The following IL16 variants were observed in gnomAD, a reference collection of about 807,000 sequenced individuals.
The protein encoded by IL16 is pro-interleukin-16.
IL16 carries 67 observed loss-of-function variants against 110.1 expected under a neutral mutation model. That is an observed-to-expected ratio of 0.61 (90% confidence interval 0.50 to 0.75). IL16 has a LOEUF of 0.75. IL16 is among the 30% of genes least tolerant of loss of function. IL16 has a pLI of 0.00. For missense variants in IL16, 1,545 were observed against 1,655.0 expected, an observed-to-expected ratio of 0.93 and a Z score of 1.15; for synonymous variants, 689 against 662.9, an observed-to-expected ratio of 1.04 and a Z score of -0.61.
chr15:81,313,383 A>T lies in IL16; in HGVS notation c.*4585A>T. ...GAGGTCGGTATGGAAGAATGTGACC[A>T]GGTTGGTCTTGGTGGGTTCCCTGTG... is the stretch of plus-strand genomic sequence containing the variant. On this transcript the variant is annotated 3_prime_UTR_variant, in exon 19 of 19. Transcript: ENST00000683961. 6.4e-7 allele frequency: 1 copy of T among 1,564,722 alleles called. No individual in the cohort carries two copies. The highest frequency in any genetic ancestry group is 8.7e-7 in the Non-Finnish European group (1 of 1,154,036).
chr15:81,255,434 G>A (rs1425076851), intron 2 of IL16, among the ~76,000 whole-genome samples: 1 of 152,252 alleles, frequency 6.6e-6, no homozygotes, highest in Non-Finnish European at 1.5e-5. Flanking sequence ...TCAGAGACTG[G>A]CTGCATGGCA....
chr15:81,221,375 G>C (rs1223078128), intron 1 of IL16, among the ~76,000 whole-genome samples: 1 of 152,162 alleles, frequency 6.6e-6, no homozygotes, highest in Non-Finnish European at 1.5e-5. Flanking sequence ...AGTCGTCATA[G>C]AGCCTGGGGA....
At chr15:81,279,880 CT>C in intron 8 of IL16, 106 bp downstream of exon 8, 1 of 942,152 alleles carries the variant, frequency 1.1e-6, no homozygotes, top group Non-Finnish European at 1.6e-6. Context: ...AGGATGTTGT[CT>C]TTTAGCACAT....
At chr15:81,189,666 C>T (rs1032735392) in intron 1 of IL16, among the ~76,000 whole-genome samples, 1 of 152,136 alleles carries the variant, frequency 6.6e-6, no homozygotes, top group Non-Finnish European at 1.5e-5. Context: ...CCTTGAAAAA[C>T]ATACAAGAGT....
chr15:81,204,267 A>G (rs1454659809), intron 1 of IL16, among the ~76,000 whole-genome samples: 1 of 151,802 alleles, frequency 6.6e-6, no homozygotes, highest in Non-Finnish European at 1.5e-5. Flanking sequence ...GTCATCTGCA[A>G]ACAGGGACAA....
intron 1 of IL16, among the ~76,000 whole-genome samples, chr15:81,212,670 C>G (rs1896293199): frequency 6.6e-6 from 1 of 152,070 alleles, no homozygotes; most frequent in Non-Finnish European, 1.5e-5. Flanking sequence ...TGGGGTTTCA[C>G]TATATTGGCC....
intron 7 of IL16, 105 bp from the exon 8 acceptor site, chr15:81,279,453 A>G: frequency 1.4e-6 from 1 of 718,638 alleles, no homozygotes; most frequent in East Asian, 2.7e-5. Flanking sequence ...GCACATTTAT[A>G]TTTCATACAC....
At chr15:81,237,688 T>C (rs1031907274) in intron 2 of IL16, among the ~76,000 whole-genome samples, 2 of 152,166 alleles carry the variant, frequency 1.3e-5, no homozygotes, top group Non-Finnish European at 2.9e-5. Flanking sequence ...CTTTTCTTTA[T>C]ACTTTATTAT....
At chr15:81,183,002 C>T in intron 1 of IL16, 1 of 656,396 alleles carries the variant, frequency 1.5e-6, no homozygotes, top group Non-Finnish European at 2.4e-6. Flanking sequence ...TGGTTTTGGT[C>T]CCACTGTGTA....
intron 1 of IL16, among the ~76,000 whole-genome samples, chr15:81,188,092 A>T (rs1388183797): frequency 1.3e-5 from 2 of 152,126 alleles, no homozygotes; most frequent in African/African-American, 4.8e-5. Context: ...AGGCCCAGTG[A>T]TGGGTGCCAA....
At chr15:81,295,152 C>G (rs780594757) in intron 12 of IL16, among the ~76,000 whole-genome samples, 1 of 152,142 alleles carries the variant, frequency 6.6e-6, no homozygotes, top group Non-Finnish European at 1.5e-5. Flanking sequence ...ACAGGATTTT[C>G]GAAGAATCCT....
chr15:81,288,848 T>TGTGTGTGTGTGTGTGC (rs544352797), intron 10 of IL16, among the ~76,000 whole-genome samples: 3 of 150,754 alleles, frequency 2.0e-5, no homozygotes, highest in African/African-American at 7.4e-5. Flanking sequence ...TGTGTGTGTG[T>TGTGTGTGTGTGTGTGC]GCGTGTGTGT....
At chr15:81,230,388 C>T (rs534491172) in intron 2 of IL16, among the ~76,000 whole-genome samples, 1 of 152,302 alleles carries the variant, frequency 6.6e-6, no homozygotes, top group South Asian at 2.1e-4. Context: ...TCAAACTCTC[C>T]CTCTCCTCTT....
intron 1 of IL16, among the ~76,000 whole-genome samples, chr15:81,185,150 G>A (rs569374901): frequency 3.9e-5 from 6 of 152,068 alleles, no homozygotes; most frequent in African/African-American, 7.2e-5. Context: ...TCCCCCCAAC[G>A]TCTCTCCAAT....
intron 2 of IL16, among the ~76,000 whole-genome samples, chr15:81,249,402 C>A (rs1439419647): frequency 6.6e-6 from 1 of 151,960 alleles, no homozygotes; most frequent in Non-Finnish European, 1.5e-5. Context: ...TGGCAAACTC[C>A]CTTGGGATTT....
At chr15:81,222,876 A>T (rs144500981) in intron 1 of IL16, among the ~76,000 whole-genome samples, 2 of 151,998 alleles carry the variant, frequency 1.3e-5, no homozygotes, top group Non-Finnish European at 2.9e-5. Context: ...TTATAGCGAC[A>T]TTTGTGTGGA....
At chr15:81,273,889 G>A (rs1023018121) in intron 6 of IL16, among the ~76,000 whole-genome samples, 1 of 152,046 alleles carries the variant, frequency 6.6e-6, no homozygotes, top group African/African-American at 2.4e-5. Context: ...GGGAAACAGA[G>A]CTGCCTGTCT....
rs139368904 is a variant in IL16, at chr15:81,273,250, C to A, written c.790+46C>A. 3.5e-4 allele frequency: 466 copies of A among 1,336,486 alleles called. 3 individuals are homozygous for A. In the Admixed American group the frequency reaches 9.0e-3, roughly 26 times the overall value. The allele number at this position is 1,336,486 out of a possible 1,614,324, so 82.8% of individuals were successfully genotyped here. ...CAGACCATGGTGGAGGAATCAGAAG[C>A]AGAATCCAGAATTGCTGGGGCCATA... On this transcript the variant is annotated intron_variant, in intron 6 of 18. Transcript: ENST00000683961.
chr15:81,290,532 G>A lies in IL16; in HGVS notation c.1412G>A (p.Ser471Asn). ...TTTGGAAAGGAGAGGCATCAGTGGA[G>A]TCTGGAAGGTAAGACAAATGGTGAA... is the stretch of plus-strand genomic sequence containing the variant. Reference protein sequence around the residue: ...TKFGKERHQWSLEGVKRLESS... With the variant: ...TKFGKERHQWNLEGVKRLESS... The change falls in exon 11 of 19, where the codon AGT becomes AAT. Residue 471 changes from serine to asparagine, a missense_variant. Coordinates refer to ENST00000683961, the MANE Select transcript of IL16 (RefSeq NM_172217.5). The A allele has an allele frequency of 6.2e-7, 1 of 1,606,882 alleles. No individual in the cohort carries two copies. The highest frequency in any genetic ancestry group is 1.1e-5 in the South Asian group (1 of 90,568).
Sources: allele counts gnomAD v4.1 joint callset (sites outside exome capture counted in the v4.1 genomes callset), GRCh38; gene constraint gnomAD v4.1.1; transcripts MANE v1.5; gene names NCBI Gene and HGNC (gene_info 2026-07-23, HGNC 2026-07-21).